MACROD1: variants seen among roughly 807,000 people sequenced by gnomAD.
The protein encoded by MACROD1 is ADP-ribose glycohydrolase MACROD1.
A neutral mutation model predicts 41.4 loss-of-function variants in MACROD1; 31 were observed. The observed-to-expected ratio is 0.75, with a 90% CI of 0.56 to 1.01. MACROD1 has a LOEUF of 1.01. MACROD1 is among the 50% of genes least tolerant of loss of function. The pLI is 0.00. For synonymous variants in MACROD1, 252 were observed against 203.4 expected (o/e 1.24, Z -2.03); for missense variants, 473 against 460.0 (o/e 1.03, Z -0.26).
intron 3 of MACROD1, among the ~76,000 whole-genome samples, chr11:64,049,925 G>C (rs993158738): frequency 6.6e-6 from 1 of 152,204 alleles, no homozygotes; most frequent in African/African-American, 2.4e-5. Flanking sequence ...GGCCCCGGGG[G>C]GGAGGCCAAA....
intron 4 of MACROD1, among the ~76,000 whole-genome samples, chr11:64,007,320 G>A (rs985775350): frequency 3.3e-5 from 5 of 152,242 alleles, no homozygotes; most frequent in Non-Finnish European, 7.3e-5. Context: ...GGGGAAAATG[G>A]AGCTGGCCCC....
intron 3 of MACROD1, among the ~76,000 whole-genome samples, chr11:64,033,920 GCCC>G (rs984104019): frequency 7.2e-5 from 11 of 152,010 alleles, no homozygotes; most frequent in African/African-American, 2.4e-4. Flanking sequence ...TCCCACCACA[GCCC>G]CCCAAAGCTC....
At chr11:64,044,914 G>A (rs908199135) in intron 3 of MACROD1, among the ~76,000 whole-genome samples, 1 of 152,192 alleles carries the variant, frequency 6.6e-6, no homozygotes, top group Non-Finnish European at 1.5e-5. Context: ...GCCTGGGGCT[G>A]GTACTGACAG....
intron 3 of MACROD1, among the ~76,000 whole-genome samples, chr11:64,091,898 C>T (rs1244199187): frequency 2.0e-5 from 3 of 152,336 alleles, no homozygotes; most frequent in Admixed American, 6.5e-5. Flanking sequence ...CATCTGGCCA[C>T]TCTTCTCTGT....
chr11:64,020,600 T>C (rs1161627618), intron 3 of MACROD1, among the ~76,000 whole-genome samples: 1 of 152,062 alleles, frequency 6.6e-6, no homozygotes, highest in African/African-American at 2.4e-5. Flanking sequence ...GACTCTGCCA[T>C]GGCCCCTCTG....
intron 3 of MACROD1, among the ~76,000 whole-genome samples, chr11:64,056,071 A>G (rs1363373277): frequency 6.6e-6 from 1 of 152,210 alleles, no homozygotes; most frequent in Non-Finnish European, 1.5e-5. Flanking sequence ...AGGAGGCTGT[A>G]TTCAGACAGG....
At chr11:64,066,166 G>A (rs1045544441) in intron 3 of MACROD1, among the ~76,000 whole-genome samples, 1 of 151,750 alleles carries the variant, frequency 6.6e-6, no homozygotes, top group East Asian at 1.9e-4. Context: ...GCATGGTGGT[G>A]GGCACCTGTA....
chr11:64,037,614 A>G (rs1423245930), intron 3 of MACROD1, among the ~76,000 whole-genome samples: 1 of 152,116 alleles, frequency 6.6e-6, no homozygotes, highest in Non-Finnish European at 1.5e-5. Context: ...GGGCTGTCAC[A>G]TATCTGGCTG....
intron 3 of MACROD1, among the ~76,000 whole-genome samples, chr11:64,147,986 G>A (rs576519223): frequency 2.0e-5 from 3 of 151,892 alleles, no homozygotes; most frequent in African/African-American, 2.4e-5. Context: ...TGATCCTCTC[G>A]TCTCGGCCTC....
chr11:64,063,482 A>G (rs550388091), intron 3 of MACROD1, among the ~76,000 whole-genome samples: 2 of 152,260 alleles, frequency 1.3e-5, no homozygotes, highest in African/African-American at 2.4e-5. Context: ...TGAACAGTTC[A>G]TCAAGGGGTG....
At chr11:64,058,284 A>G (rs1277392281) in intron 3 of MACROD1, among the ~76,000 whole-genome samples, 1 of 152,178 alleles carries the variant, frequency 6.6e-6, no homozygotes, top group Non-Finnish European at 1.5e-5. Context: ...GTTGGGGACT[A>G]CTGTCGGCTC....
chr11:64,000,123 TGAG>T, intron 5 of MACROD1, 101 bp downstream of exon 5: 1 of 885,150 alleles, frequency 1.1e-6, no homozygotes, highest in Non-Finnish European at 1.7e-6. Flanking sequence ...AAGGGCCCCC[TGAG>T]GAGTTCCCCA....
chr11:64,137,279 G>A (rs759729167), intron 3 of MACROD1, among the ~76,000 whole-genome samples: 4 of 152,092 alleles, frequency 2.6e-5, no homozygotes, highest in Admixed American at 2.0e-4. Context: ...GGGCAGCGGC[G>A]GGGGGGTCTC....
rs781391965 is a variant in MACROD1, at chr11:64,120,725, C to A, written c.517+30514G>T. ...GCCCTCCCAGTGGACCATGGCCCCC[C>A]AGCCCCGAGATGAGCAGAAGGGCCC... On this transcript the variant is annotated intron_variant, in intron 3 of 10. Coordinates refer to ENST00000255681, the MANE Select transcript of MACROD1 (RefSeq NM_014067.4). The surrounding 1 kb of genome is among the most constrained non-coding windows in gnomAD (Gnocchi z 4.5). 7.9e-5 allele frequency among the ~76,000 whole-genome samples: 12 copies of A among 152,054 alleles called. No homozygotes were observed. The highest frequency in any genetic ancestry group is 1.3e-4 in the Non-Finnish European group (9 of 68,000).
In MACROD1 at chr11:64,142,714, C is replaced by T. The variant is rs572305594; in HGVS notation, c.517+8525G>A. ...AGCTCCTGGCTGTGTCTGGGTGTTC[C>T]GGGCTTTCTAATGTGGGGAGGGGGC... On this transcript the variant is annotated intron_variant, in intron 3 of 10. Coordinates refer to ENST00000255681, the MANE Select transcript of MACROD1 (RefSeq NM_014067.4). 3.9e-5 allele frequency among the ~76,000 whole-genome samples: 6 copies of T among 152,264 alleles called. No individual in the cohort carries two copies. In the East Asian group the frequency reaches 9.7e-4, roughly 24 times the overall value.
chr11:64,034,769 G>A (rs1943342844), intron 3 of MACROD1, among the ~76,000 whole-genome samples: 1 of 152,236 alleles, frequency 6.6e-6, no homozygotes, highest in African/African-American at 2.4e-5. Context: ...CAGACTGTGG[G>A]CGGTCTGAGG....
chr11:64,138,459 T>C (rs1440274659), intron 3 of MACROD1: 15 of 955,542 alleles, frequency 1.6e-5, no homozygotes, highest in African/African-American at 1.8e-5. Context: ...TAGATTTTAA[T>C]GTTCCTGTTT....
intron 3 of MACROD1, chr11:64,060,652 G>T (rs1197549017): frequency 6.6e-6 from 1 of 151,840 alleles, no homozygotes; most frequent in East Asian, 1.9e-4. Context: ...GTGACCTGGG[G>T]CAAGGTCTGT....
chr11:64,116,518 C>G (rs370410537), intron 3 of MACROD1: 1 of 1,614,024 alleles, frequency 6.2e-7, no homozygotes, highest in Non-Finnish European at 8.5e-7. Flanking sequence ...GATGATGCCA[C>G]CACCCTCTAC....
Sources: gnomAD v4.1 joint callset for allele counts (sites outside exome capture counted in the v4.1 genomes callset) on GRCh38, gnomAD v4.1.1 for gene constraint, Gnocchi (gnomAD v3.1) non-coding constraint, MANE v1.5 for transcripts, NCBI Gene and HGNC (gene_info 2026-07-23, HGNC 2026-07-21) for gene names.